FDFT1: variants seen among roughly 807,000 people sequenced by gnomAD.
FDFT1 encodes squalene synthase.
Under a neutral mutation model 46.8 loss-of-function variants are expected in FDFT1, and 68 were observed. The observed-to-expected ratio is 1.45, with a 90% CI of 1.19 to 1.78. The LOEUF is 1.78. FDFT1 is among the 40% of genes most tolerant of loss of function. The pLI is 0.00. For missense variants in FDFT1, 928 were observed against 524.4 expected, an observed-to-expected ratio of 1.77 and a Z score of -7.52; for synonymous variants, 351 against 185.1, an observed-to-expected ratio of 1.90 and a Z score of -7.28.
intron 7 of FDFT1, among the ~76,000 whole-genome samples, chr8:11,833,060 C>G (rs1418450746): frequency 6.6e-6 from 1 of 152,160 alleles, no homozygotes; most frequent in Non-Finnish European, 1.5e-5. Flanking sequence ...GCTGTATGTC[C>G]AGAACTTCTA....
chr8:11,802,034 A>G (rs999502750), upstream of FDFT1: 2 of 455,860 alleles, frequency 4.4e-6, no homozygotes, highest in African/African-American at 4.0e-5. Flanking sequence ...GGATGAGAGA[A>G]GTTTCCACAT....
chr8:11,812,279 T>G (rs1391563913), intron 3 of FDFT1, among the ~76,000 whole-genome samples: 1 of 152,208 alleles, frequency 6.6e-6, no homozygotes, highest in African/African-American at 2.4e-5. Context: ...GTCCGCACAG[T>G]CTATTTCCTA....
intron 5 of FDFT1, among the ~76,000 whole-genome samples, chr8:11,829,198 TAATA>T (rs1563335052): frequency 6.6e-6 from 1 of 152,224 alleles, no homozygotes; most frequent in Non-Finnish European, 1.5e-5. Context: ...ATTTTATTTA[TAATA>T]AATGTACATA....
At position 11,812,237 on chromosome 8, in the gene FDFT1, T is replaced by G. The variant is rs118087891; in HGVS notation, c.381+2387T>G. ...GTACCACGTTCTGGACATCTGGAGT[T>G]CCTTGCCCCAAATCCCTGAGCCCAC... is the stretch of plus-strand genomic sequence containing the variant. On this transcript the variant is annotated intron_variant, in intron 3 of 7. Coordinates refer to ENST00000220584, the MANE Select transcript of FDFT1 (RefSeq NM_004462.5). Among the ~76,000 whole-genome samples the G allele has an allele frequency of 4.0e-3, 605 of 152,278 alleles. 5 individuals carry two copies. Among genetic ancestry groups the G allele is most frequent in the East Asian group, 0.018 (92 of 5,180 alleles).
chr8:11,825,686 CA>C (rs5889388), intron 4 of FDFT1, among the ~76,000 whole-genome samples: 1 of 144,602 alleles, frequency 6.9e-6, no homozygotes, highest in African/African-American at 2.5e-5. Flanking sequence ...GACTCCATCT[CA>C]AAAAAAAAAT....
chr8:11,838,431 C>T lies in FDFT1; in HGVS notation c.1076C>T (p.Thr359Ile), dbSNP rs150943942. The T allele has an allele frequency of 1.9e-6, 3 of 1,612,054 alleles. No individual in the cohort carries two copies. The highest frequency in any genetic ancestry group is 2.5e-6 in the Non-Finnish European group (3 of 1,179,234). ...GACTCAGACCCATCTTCTAGCAAAA[C>T]AAGGCAGATCATCTCCACCATCCGG... ...IPDSDPSSSKTRQIISTIRTQ... is the reference protein window; with the variant it reads ...IPDSDPSSSKIRQIISTIRTQ... The change falls in exon 8 of 8, where the codon ACA becomes ATA. Residue 359 changes from threonine to isoleucine, a missense_variant. Thr to Ile is a moderately conservative substitution (Grantham distance 89, BLOSUM62 -1). Transcript: ENST00000220584.
rs369210818 is a variant in FDFT1, at chr8:11,832,442, C to G, written c.1032+772C>G. ...GTGCACGCCTGTGGTCCCAGCTACT[C>G]AGGAGGCTGAGGCAGGTGGATCACA... On this transcript the variant is annotated intron_variant, in intron 7 of 7. Coordinates refer to ENST00000220584, the MANE Select transcript of FDFT1 (RefSeq NM_004462.5). 2.2e-4 allele frequency among the ~76,000 whole-genome samples: 33 copies of G among 149,196 alleles called. No homozygotes were observed. In the East Asian group the frequency reaches 4.9e-3, roughly 22 times the overall value.
intron 3 of FDFT1, among the ~76,000 whole-genome samples, chr8:11,811,952 A>G (rs958407878): frequency 6.6e-6 from 1 of 152,188 alleles, no homozygotes; most frequent in Non-Finnish European, 1.5e-5. Context: ...GTATGTGCTG[A>G]TATAGCTCAG....
In FDFT1 at chr8:11,838,242, G is replaced by A. The variant is rs909764404; in HGVS notation, c.1033-146G>A. On this transcript the variant is annotated intron_variant, in intron 7 of 7. Transcript: ENST00000220584. Reference sequence around the variant, plus strand: ...CCCACCTTATCATTGGGATGGCTTTGGGTAAGTTATGTTCATGTTCTCTGA... The same window carrying A: ...CCCACCTTATCATTGGGATGGCTTTAGGTAAGTTATGTTCATGTTCTCTGA... 4 of 666,170 alleles carry A rather than the reference G, an allele frequency of 6.0e-6. No individual in the cohort carries two copies. The Admixed American group carries it at 9.5e-5, about 16-fold the overall frequency. 41.3% of individuals were successfully genotyped at this position (666,170 alleles called of 1,614,324 possible).
chr8:11,838,714 C>G lies in FDFT1; in HGVS notation c.*105C>G, dbSNP rs1231067246. On this transcript the variant is annotated 3_prime_UTR_variant, in exon 8 of 8. Transcript: ENST00000220584. The stretch of plus-strand genomic sequence containing the variant: ...TATTTTTTTCCTACTACTTTAATCC[C>G]TAAAAGAACGCTGTGTGGCTGGGAC... 6.7e-6 allele frequency: 6 copies of G among 894,726 alleles called. No individual in the cohort carries two copies. The highest frequency in any genetic ancestry group is 3.3e-5 in the African/African-American group (2 of 60,262). The allele number at this position is 894,726 out of a possible 1,614,324, so 55.4% of individuals were successfully genotyped here. A position where few individuals can be genotyped will look rare whatever the true frequency, so the allele number is the denominator to read the frequency against.
rs1018244225 is a variant in FDFT1 at position 11,808,944 on chromosome 8, T to C, written c.197+53T>C. ...TTGGAGGAAAGCTTGTCCGGGACCT[T>C]TGAGTGTGTTGGAAGCTACCTTTTG... On this transcript the variant is annotated intron_variant, in intron 2 of 7. Coordinates refer to ENST00000220584, the MANE Select transcript of FDFT1 (RefSeq NM_004462.5). 4.7e-5 allele frequency: 75 copies of C among 1,580,788 alleles called. No individual in the cohort carries two copies. The Admixed American group carries it at 8.6e-4, about 18-fold the overall frequency.
chr8:11,818,090 C>CT (rs1808710848), intron 3 of FDFT1, among the ~76,000 whole-genome samples: 1 of 152,136 alleles, frequency 6.6e-6, no homozygotes, highest in African/African-American at 2.4e-5. Flanking sequence ...CAAAGAACAT[C>CT]TTTATTTCTG....
At chr8:11,833,321 GGTCT>G (rs1459986646) in intron 7 of FDFT1, among the ~76,000 whole-genome samples, 2 of 152,154 alleles carry the variant, frequency 1.3e-5, no homozygotes, top group Non-Finnish European at 2.9e-5. Context: ...TTTGAACCCA[GGTCT>G]GTCTGACATC....
At chr8:11,824,767 A>C (rs139459843) in intron 4 of FDFT1, among the ~76,000 whole-genome samples, 1 of 151,618 alleles carries the variant, frequency 6.6e-6, no homozygotes, top group African/African-American at 2.4e-5. Flanking sequence ...ACGGAGTCTC[A>C]CTCTGTCGCC....
chr8:11,802,009 G>C (rs1394733282), upstream of FDFT1: 1 of 454,242 alleles, frequency 2.2e-6, no homozygotes, highest in South Asian at 1.6e-5. Flanking sequence ...TAGTTTCTAG[G>C]GCTGGAGAGA....
At chr8:11,831,290 G>T (rs960278717) in intron 6 of FDFT1, among the ~76,000 whole-genome samples, 5 of 152,166 alleles carry the variant, frequency 3.3e-5, no homozygotes, top group Non-Finnish European at 5.9e-5. Flanking sequence ...CTACATTATA[G>T]AATTGTTTTA....
intron 3 of FDFT1, chr8:11,810,094 CT>C: frequency 2.1e-6 from 1 of 465,910 alleles, no homozygotes; most frequent in South Asian, 3.5e-5. Context: ...GTTTCTTCAT[CT>C]GTAAAATAGG....
chr8:11,802,446 C>A (rs1350664531), upstream of FDFT1: 2 of 462,070 alleles, frequency 4.3e-6, no homozygotes, highest in Admixed American at 2.3e-5. Flanking sequence ...CGTTCGCGCT[C>A]CCAGCCGGGG....
chr8:11,803,698 T>G, intron 1 of FDFT1: 1 of 279,960 alleles, frequency 3.6e-6, no homozygotes, highest in South Asian at 3.7e-5. Flanking sequence ...TCTGTAACTT[T>G]TTTGGGCCAA....
Sources: allele counts gnomAD v4.1 joint callset (sites outside exome capture counted in the v4.1 genomes callset), GRCh38; gene constraint gnomAD v4.1.1; transcripts MANE v1.5; gene names NCBI Gene and HGNC (gene_info 2026-07-23, HGNC 2026-07-21).